The following SYNJ1 variants were observed in gnomAD, a reference collection of about 807,000 sequenced individuals.
SYNJ1 encodes polyphosphatidylinositol phosphatase SYNJ1.
SYNJ1 carries 78 observed loss-of-function variants against 168.2 expected under a neutral mutation model. The observed-to-expected ratio is 0.46, with a 90% CI of 0.39 to 0.56. The LOEUF (loss-of-function observed/expected upper bound fraction) is 0.56, where lower values mean the gene tolerates loss of function less well. Among genes scored for constraint, SYNJ1 ranks in the 20% least tolerant of loss-of-function variants. The probability of loss-of-function intolerance (pLI) is 0.00; values close to 1 mark genes in which losing one functional copy is unlikely to be tolerated. For synonymous variants in SYNJ1, 539 were observed against 548.6 expected (o/e 0.98, Z 0.24); for missense variants, 1,303 against 1,597.6 (o/e 0.82, Z 3.14).
chr21:32,715,283 G>C (rs2042980929), intron 2 of SYNJ1, among the ~76,000 whole-genome samples: 1 of 152,098 alleles, frequency 6.6e-6, no homozygotes, highest in Admixed American at 6.6e-5. Flanking sequence ...GACCAGCCTG[G>C]CCAGTAAGGT....
chr21:32,705,137 G>T (rs1183726364), intron 2 of SYNJ1, among the ~76,000 whole-genome samples: 1 of 146,834 alleles, frequency 6.8e-6, no homozygotes, highest in Non-Finnish European at 1.5e-5. Context: ...GACAGAGTGA[G>T]ACTCTGTCTC....
At chr21:32,725,657 T>C (rs1052645881) in intron 2 of SYNJ1, among the ~76,000 whole-genome samples, 8 of 152,208 alleles carry the variant, frequency 5.3e-5, no homozygotes, top group African/African-American at 1.4e-4. Context: ...TGAGGTCTTA[T>C]GCTCTTCATT....
chr21:32,715,525 A>C (rs1264790932), intron 2 of SYNJ1, among the ~76,000 whole-genome samples: 1 of 152,132 alleles, frequency 6.6e-6, no homozygotes, highest in Non-Finnish European at 1.5e-5. Flanking sequence ...TAGTTCACAC[A>C]TGGTCCACAG....
Position 32,673,425 on chromosome 21 carries a change from T to C in SYNJ1, c.1641A>G (p.Gln547=), listed in dbSNP as rs753893833. ...VGTWNVNGGK[Q]FRSIAFKNQT... Reference sequence around the variant, plus strand: ...GATTCTTAAAAGCTATGCTGCGAAATTGCTTCCCACCATTCACATTCCAGG... The same window carrying C: ...GATTCTTAAAAGCTATGCTGCGAAACTGCTTCCCACCATTCACATTCCAGG... Residue 547 remains glutamine, a synonymous_variant, in exon 14 of 33, where the codon CAA becomes CAG. Transcript: ENST00000674351. 4.3e-6 allele frequency: 7 copies of C among 1,613,836 alleles called. No individual in the cohort carries two copies. The highest frequency in any genetic ancestry group is 2.2e-5 in the East Asian group (1 of 44,864).
In SYNJ1 at chr21:32,630,152, C is replaced by A. The variant is rs1007145450; in HGVS notation, c.*1653G>T. 1 of 152,154 alleles carries A rather than the reference C, an allele frequency of 6.6e-6. No homozygotes were observed. Among genetic ancestry groups the A allele is most frequent in the African/African-American group, 2.4e-5 (1 of 41,432 alleles). 9.4% of individuals were successfully genotyped at this position (152,154 alleles called of 1,614,324 possible). A position where few individuals can be genotyped will look rare whatever the true frequency, so the allele number is the denominator to read the frequency against. On this transcript the variant is annotated 3_prime_UTR_variant, in exon 33 of 33. Coordinates refer to ENST00000674351, the MANE Select transcript of SYNJ1 (RefSeq NM_203446.3). ...TAAGGCCATAGTGCTTTTTTGGGAGCGCTAGAATATCCATCCACTTGACAG... is the reference window on the plus strand; with the variant it reads ...TAAGGCCATAGTGCTTTTTTGGGAGAGCTAGAATATCCATCCACTTGACAG...
Position 32,711,737 on chromosome 21 carries a change from A to T in SYNJ1, c.125-9690T>A, listed in dbSNP as rs1055779348. Among the ~76,000 whole-genome samples the T allele has an allele frequency of 7.2e-5, 11 of 152,324 alleles. 1 individual carries two copies. Among genetic ancestry groups the T allele is most frequent in the African/African-American group, 2.6e-4 (11 of 41,564 alleles). ...TTAAGGCAAATAATGAAGTATTAGG[A>T]TCAAATATAAAAATTCAGATGAAGA... On this transcript the variant is annotated intron_variant, in intron 2 of 32. Transcript: ENST00000674351.
At chr21:32,680,372 G>A (rs139240716) in intron 11 of SYNJ1, among the ~76,000 whole-genome samples, 2 of 152,208 alleles carry the variant, frequency 1.3e-5, no homozygotes, top group East Asian at 3.9e-4. Flanking sequence ...AGTGATAAAT[G>A]TTCTCATTTC....
intron 27 of SYNJ1, among the ~76,000 whole-genome samples, chr21:32,642,888 T>C (rs982105035): frequency 6.6e-6 from 1 of 152,212 alleles, no homozygotes; most frequent in Non-Finnish European, 1.5e-5. Flanking sequence ...ACATCAGCCT[T>C]TTAATAACTA....
intron 31 of SYNJ1, among the ~76,000 whole-genome samples, chr21:32,638,185 C>T (rs2039665252): frequency 6.6e-6 from 1 of 152,138 alleles, no homozygotes; most frequent in South Asian, 2.1e-4. Flanking sequence ...CCTCCCACCT[C>T]AGACTCCCAA....
At chr21:32,640,020 A>G (rs1177525929) in intron 29 of SYNJ1, among the ~76,000 whole-genome samples, 1 of 152,138 alleles carries the variant, frequency 6.6e-6, no homozygotes, top group Non-Finnish European at 1.5e-5. Flanking sequence ...AGGCATTTCC[A>G]TTTCATCTTC....
intron 21 of SYNJ1, chr21:32,653,845 A>G (rs2040363369): frequency 6.6e-6 from 1 of 152,300 alleles, no homozygotes; most frequent in Admixed American, 6.5e-5. Context: ...GTGAAAGAAA[A>G]CAAAACCAGA....
intron 18 of SYNJ1, among the ~76,000 whole-genome samples, chr21:32,661,312 GT>G (rs2040691999): frequency 6.6e-6 from 1 of 152,204 alleles, no homozygotes; most frequent in East Asian, 1.9e-4. Context: ...AGGCCCCACG[GT>G]TCCACCCAGC....
At chr21:32,712,886 C>A (rs566028222) in intron 2 of SYNJ1, among the ~76,000 whole-genome samples, 2 of 151,968 alleles carry the variant, frequency 1.3e-5, no homozygotes, top group Admixed American at 1.3e-4. Flanking sequence ...ATGTTTCAGG[C>A]GACATACGTA....
At position 32,664,937 on chromosome 21, in the gene SYNJ1, A is replaced by G. The variant is rs1161998484; in HGVS notation, c.2280T>C (p.Leu760=). ...NWDSLIAGDQ[L]INQKNAGQVF... is the part of the protein sequence containing the mutation. ...CCTGTCCAGCATTTTTCTGATTGAT[A>G]AGTTGATCTCCTGCTATAAGAGAAT... is the stretch of plus-strand genomic sequence containing the variant. The change falls in exon 18 of 33, where the codon CTT becomes CTC. Residue 760 remains leucine, a synonymous_variant. Transcript: ENST00000674351. The G allele has an allele frequency of 6.2e-7, 1 of 1,610,952 alleles. No individual in the cohort carries two copies. The highest frequency in any genetic ancestry group is 1.3e-5 in the African/African-American group (1 of 74,796).
At position 32,645,668 on chromosome 21, in the gene SYNJ1, TG is replaced by T; in HGVS notation, c.3368del (p.Pro1123HisfsTer31). ...CACCTGAAGGCGGAGGAGGTCTCTG[TG>T]GGGGAGCCGGGCGTGTGGGAGGGGC... ...PVAPPTRPAPPQRPPPPSGAR... is the reference protein window; with the variant it reads ...PVAPPTRPAPXQRPPPPSGAR... On this transcript the variant is annotated frameshift_variant, in exon 25 of 33. Transcript: ENST00000674351. LOFTEE classifies it high-confidence loss of function. 1.3e-6 allele frequency: 2 copies of T among 1,525,340 alleles called. No homozygotes were observed. Among genetic ancestry groups the T allele is most frequent in the South Asian group, 1.3e-5 (1 of 77,474 alleles). 94.5% of individuals were successfully genotyped at this position (1,525,340 alleles called of 1,614,324 possible). A position where few individuals can be genotyped will look rare whatever the true frequency, so the allele number is the denominator to read the frequency against.
rs373209460 is a variant in SYNJ1 at position 32,671,890 on chromosome 21, T to C, written c.1726+1450A>G. On this transcript the variant is annotated intron_variant, in intron 14 of 32. Coordinates refer to ENST00000674351, the MANE Select transcript of SYNJ1 (RefSeq NM_203446.3). Reference sequence around the variant, plus strand: ...CTGGCCAACATGGTGAAACCCCATCTCTACTAAAAATACAAAAAATTAGCC... The same window carrying C: ...CTGGCCAACATGGTGAAACCCCATCCCTACTAAAAATACAAAAAATTAGCC... 1.3e-4 allele frequency among the ~76,000 whole-genome samples: 20 copies of C among 151,298 alleles called. No individual in the cohort carries two copies. The East Asian group carries it at 3.9e-3, about 29-fold the overall frequency.
chr21:32,693,198 T>A (rs141012974), intron 6 of SYNJ1, among the ~76,000 whole-genome samples: 1 of 151,946 alleles, frequency 6.6e-6, no homozygotes. Flanking sequence ...GTTTCAGCAA[T>A]GTTCTTAAAG....
At chr21:32,683,287 A>T (rs984378041) in intron 10 of SYNJ1, among the ~76,000 whole-genome samples, 14 of 152,084 alleles carry the variant, frequency 9.2e-5, no homozygotes, top group Admixed American at 5.9e-4. Flanking sequence ...ATAGTTTGTC[A>T]AAGAGTTGAG....
At chr21:32,722,157 C>T (rs1185997320) in intron 2 of SYNJ1, among the ~76,000 whole-genome samples, 1 of 144,298 alleles carries the variant, frequency 6.9e-6, no homozygotes, top group African/African-American at 2.6e-5. Context: ...TGCACTCTAG[C>T]CTGGGCAACA....
Sources: allele counts gnomAD v4.1 joint callset (sites outside exome capture counted in the v4.1 genomes callset), GRCh38; gene constraint gnomAD v4.1.1; transcripts MANE v1.5; gene names NCBI Gene and HGNC (gene_info 2026-07-23, HGNC 2026-07-21).